TBC1D5: variants seen among roughly 807,000 people sequenced by gnomAD.
TBC1D5 encodes TBC1 domain family, member 5.
TBC1D5 carries 75 observed loss-of-function variants against 100.3 expected under a neutral mutation model. The observed-to-expected ratio is 0.75, with a 90% CI of 0.62 to 0.91. The LOEUF (loss-of-function observed/expected upper bound fraction) is 0.91, where lower values mean the gene tolerates loss of function less well. Among genes scored for constraint, TBC1D5 ranks in the 40% least tolerant of loss-of-function variants. TBC1D5 has a pLI of 0.00. For missense variants in TBC1D5, 910 were observed against 942.4 expected (o/e 0.97, Z 0.45); for synonymous variants, 323 against 325.6 (o/e 0.99, Z 0.09).
Position 17,219,349 on chromosome 3 carries a change from T to C in TBC1D5, c.1589-4979A>G, listed in dbSNP as rs141357592. On this transcript the variant is annotated intron_variant, in intron 17 of 21. Coordinates refer to ENST00000253692, the Ensembl canonical transcript of TBC1D5. The stretch of plus-strand genomic sequence containing the variant: ...CCTTTAGTTCTTTAGACAGGGTTTC[T>C]TGCAGTTCTTTGACATATTTACAGT... Among the ~76,000 whole-genome samples the C allele has an allele frequency of 8.0e-3, 1,219 of 152,068 alleles. 8 individuals carry two copies. The highest frequency in any genetic ancestry group is 0.012 in the Non-Finnish European group (826 of 67,902).
rs1022290942 is a variant in TBC1D5 at position 17,450,042 on chromosome 3, C to T, written c.98-21523G>A. ...GAAGTTTCCAGAGGAAGGGGCAGGCCGCAATCTTTGCTGTTCTGGAGCCTC... is the reference window on the plus strand; with the variant it reads ...GAAGTTTCCAGAGGAAGGGGCAGGCTGCAATCTTTGCTGTTCTGGAGCCTC... On this transcript the variant is annotated intron_variant, in intron 3 of 21. Coordinates refer to ENST00000253692, the Ensembl canonical transcript of TBC1D5. Among the ~76,000 whole-genome samples the T allele has an allele frequency of 2.0e-4, 31 of 152,062 alleles. 1 individual carries two copies. Among genetic ancestry groups the T allele is most frequent in the Admixed American group, 7.9e-4 (12 of 15,256 alleles).
intron 4 of TBC1D5, among the ~76,000 whole-genome samples, chr3:17,409,221 T>C (rs1351138468): frequency 6.6e-6 from 1 of 152,198 alleles, no homozygotes; most frequent in Non-Finnish European, 1.5e-5. Flanking sequence ...ATCTTCACAA[T>C]ATTTCCAACT....
At chr3:17,219,803 T>G (rs778508727) in intron 17 of TBC1D5, among the ~76,000 whole-genome samples, 8 of 152,068 alleles carry the variant, frequency 5.3e-5, no homozygotes, top group Non-Finnish European at 7.4e-5. Flanking sequence ...CTTACTAAGA[T>G]TCAGCCAGTT....
chr3:17,362,920 A>G (rs1173589157), intron 13 of TBC1D5, among the ~76,000 whole-genome samples: 1 of 152,158 alleles, frequency 6.6e-6, no homozygotes, highest in African/African-American at 2.4e-5. Flanking sequence ...CACTACCATG[A>G]TATGTTCCAT....
chr3:17,355,018 A>G (rs1575493418), intron 13 of TBC1D5, among the ~76,000 whole-genome samples: 2 of 152,262 alleles, frequency 1.3e-5, no homozygotes, highest in Non-Finnish European at 2.9e-5. Context: ...CAGCTGGGCA[A>G]TAGCTGAAAA....
intron 18 of TBC1D5, among the ~76,000 whole-genome samples, chr3:17,201,620 T>C (rs757196851): frequency 1.3e-4 from 20 of 152,126 alleles, no homozygotes; most frequent in South Asian, 2.1e-4. Context: ...TGGGAGGTGA[T>C]TGGATCATTT....
At chr3:17,652,639 G>C (rs1295958592) in intron 1 of TBC1D5, among the ~76,000 whole-genome samples, 1 of 152,098 alleles carries the variant, frequency 6.6e-6, no homozygotes, top group African/African-American at 2.4e-5. Flanking sequence ...CCAGAAAAAA[G>C]TAGTTTAATT....
At chr3:17,594,244 A>G (rs1410546034) in intron 2 of TBC1D5, among the ~76,000 whole-genome samples, 2 of 152,218 alleles carry the variant, frequency 1.3e-5, no homozygotes, top group South Asian at 4.1e-4. Context: ...CTACTCCACA[A>G]CAGAGGAAAG....
At chr3:17,463,516 C>G (rs1355032740) in intron 3 of TBC1D5, among the ~76,000 whole-genome samples, 4 of 152,174 alleles carry the variant, frequency 2.6e-5, no homozygotes, top group Non-Finnish European at 4.4e-5. Context: ...TTAAGAAAAT[C>G]TGGTGCTTAA....
At chr3:17,646,387 T>TA (rs1225209735) in intron 1 of TBC1D5, among the ~76,000 whole-genome samples, 4 of 152,058 alleles carry the variant, frequency 2.6e-5, no homozygotes, top group African/African-American at 7.2e-5. Context: ...ATGGCATCCC[T>TA]AAAAAACTAA....
intron 2 of TBC1D5, among the ~76,000 whole-genome samples, chr3:17,596,315 C>CTTTTT (rs397874911): frequency 7.9e-6 from 1 of 126,006 alleles, no homozygotes. Flanking sequence ...TCCAGCTTTC[C>CTTTTT]TTTTTTTTTT....
chr3:17,715,863 C>T (rs778268427), intron 1 of TBC1D5, among the ~76,000 whole-genome samples: 13 of 151,972 alleles, frequency 8.6e-5, no homozygotes, highest in Non-Finnish European at 1.2e-4. Context: ...TTGAGACCAG[C>T]CTGGCCAACA....
chr3:17,529,728 CCT>C (rs1395098589), intron 2 of TBC1D5, among the ~76,000 whole-genome samples: 2 of 151,676 alleles, frequency 1.3e-5, no homozygotes, highest in African/African-American at 4.9e-5. Context: ...CTCACTGCAA[CCT>C]CTGTCTGCCG....
Position 17,373,186 on chromosome 3 carries a change from G to A in TBC1D5, c.823-939C>T, listed in dbSNP as rs116516795. ...ACTCATAAGATGTATAAAAACAGAT[G>A]GTAGGCCAAATTTGACCTACAGGCA... is the stretch of plus-strand genomic sequence containing the variant. On this transcript the variant is annotated intron_variant, in intron 12 of 21. Coordinates refer to ENST00000253692, the Ensembl canonical transcript of TBC1D5. 3.4e-3 allele frequency among the ~76,000 whole-genome samples: 521 copies of A among 152,188 alleles called. 2 individuals carry two copies. The highest frequency in any genetic ancestry group is 0.012 in the African/African-American group (507 of 41,534).
At chr3:17,690,552 C>T (rs2070996519) in intron 1 of TBC1D5, among the ~76,000 whole-genome samples, 1 of 152,134 alleles carries the variant, frequency 6.6e-6, no homozygotes, top group Admixed American at 6.5e-5. Context: ...GTTCTCCAAC[C>T]CCTGGGGCCA....
chr3:17,734,355 T>G (rs1282714591), intron 1 of TBC1D5, among the ~76,000 whole-genome samples: 2 of 152,170 alleles, frequency 1.3e-5, no homozygotes, highest in African/African-American at 2.4e-5. Context: ...TAGTAAAGTT[T>G]CTGACATCCA....
At chr3:17,664,101 A>T (rs946420425) in intron 1 of TBC1D5, among the ~76,000 whole-genome samples, 1 of 152,026 alleles carries the variant, frequency 6.6e-6, no homozygotes, top group Non-Finnish European at 1.5e-5. Flanking sequence ...ATGGAGTCTC[A>T]CTCTGTGGCC....
intron 3 of TBC1D5, among the ~76,000 whole-genome samples, chr3:17,501,302 C>A (rs922569305): frequency 6.7e-6 from 1 of 149,426 alleles, no homozygotes; most frequent in Non-Finnish European, 1.5e-5. Flanking sequence ...TATTGGCTAA[C>A]ACCACACAAT....
chr3:17,738,185 C>T (rs1174939255), intron 1 of TBC1D5, among the ~76,000 whole-genome samples: 1 of 152,156 alleles, frequency 6.6e-6, no homozygotes, highest in African/African-American at 2.4e-5. Context: ...CATTACTATA[C>T]CAATTTTGTA....
Sources: allele counts gnomAD v4.1 joint callset (sites outside exome capture counted in the v4.1 genomes callset), GRCh38; gene constraint gnomAD v4.1.1; transcripts MANE v1.5; gene names NCBI Gene and HGNC (gene_info 2026-07-23, HGNC 2026-07-21).